Variants in DAB1 observed in about 807,000 individuals in gnomAD.
The protein encoded by DAB1 is DAB adaptor protein 1, also known as disabled homolog 1.
Under a neutral mutation model 64.6 loss-of-function variants are expected in DAB1, and 15 were observed. The ratio of observed to expected loss-of-function variants is 0.23; its 90% CI spans 0.16 to 0.36. DAB1 has a LOEUF of 0.36. DAB1 is among the 10% of genes least tolerant of loss of function. The pLI is 1.00. For missense variants in DAB1, 596 were observed against 706.7 expected, an observed-to-expected ratio of 0.84 and a Z score of 1.78; for synonymous variants, 235 against 251.9, an observed-to-expected ratio of 0.93 and a Z score of 0.64.
intron 7 of DAB1, among the ~76,000 whole-genome samples, chr1:57,548,464 A>G (rs4912259): frequency 0.63 from 93,312 of 148,710 alleles, 30,996 homozygotes; most frequent in Non-Finnish European, 0.75. Context: ...TTTTGTATAT[A>G]CAAAATCTGT....
intron 4 of DAB1, among the ~76,000 whole-genome samples, chr1:57,123,765 A>G (rs1418643627): frequency 6.6e-6 from 1 of 152,164 alleles, no homozygotes; most frequent in African/African-American, 2.4e-5. Context: ...TAATTAGTGG[A>G]AAAATGTGGA....
chr1:57,520,883 C>T lies in DAB1; in HGVS notation n.625+128709G>A, dbSNP rs76909194. 3.0e-3 allele frequency among the ~76,000 whole-genome samples: 450 copies of T among 151,636 alleles called. 2 individuals are homozygous for T. Among genetic ancestry groups the T allele is most frequent in the South Asian group, 0.026 (127 of 4,794 alleles). ...GCTAAGTTTTGGCATAGCCATCCAA[C>T]AGGAAAAAAAAGAGAGGGAGCAGGA... On this transcript the variant is annotated intron_variant and non_coding_transcript_variant, in intron 7 of 20. Transcript: ENST00000485760.
At chr1:57,234,364 G>T (rs1031362965) in intron 2 of DAB1, among the ~76,000 whole-genome samples, 2 of 151,864 alleles carry the variant, frequency 1.3e-5, no homozygotes, top group Non-Finnish European at 2.9e-5. Context: ...TGTGGCCTTG[G>T]GCATGTTATT....
rs1359660948 is a variant in DAB1 at position 57,475,258 on chromosome 1, C to T, written n.625+174334G>A. The stretch of plus-strand genomic sequence containing the variant: ...TGCCACTGCACCCCAGCCTGGGTGA[C>T]AGAGCAAGACTCTGTCCCAAACAAA... On this transcript the variant is annotated intron_variant and non_coding_transcript_variant, in intron 7 of 20. Coordinates refer to the DAB1 transcript ENST00000485760. 2.0e-5 allele frequency among the ~76,000 whole-genome samples: 3 copies of T among 152,272 alleles called. No individual in the cohort carries two copies. In the East Asian group the frequency reaches 5.8e-4, roughly 29 times the overall value.
chr1:57,057,851 G>A (rs187163354), intron 9 of DAB1, among the ~76,000 whole-genome samples: 61 of 152,014 alleles, frequency 4.0e-4, no homozygotes, highest in African/African-American at 1.3e-3. Context: ...CTCCTGATCC[G>A]CCCGCCTTGG....
Position 57,390,301 on chromosome 1 carries a change from C to A in DAB1, c.-137+33629G>T, listed in dbSNP as rs527249936. Among the ~76,000 whole-genome samples the A allele has an allele frequency of 4.6e-5, 7 of 152,328 alleles. No individual in the cohort carries two copies. In the East Asian group the frequency reaches 1.4e-3, roughly 29 times the overall value. ...ATTAGTTGTGTGGCCTTAGGCAAAT[C>A]ATTTAACTTGGACTTCAATTTCTGC... On this transcript the variant is annotated intron_variant, in intron 1 of 14. Coordinates refer to ENST00000371236, the MANE Select transcript of DAB1 (RefSeq NM_001365792.1).
At chr1:57,396,698 A>G (rs1682836856) in intron 1 of DAB1, among the ~76,000 whole-genome samples, 1 of 152,178 alleles carries the variant, frequency 6.6e-6, no homozygotes, top group Non-Finnish European at 1.5e-5. Flanking sequence ...GTACTTCTCT[A>G]TGCCTCAGTT....
intron 2 of DAB1, among the ~76,000 whole-genome samples, chr1:57,188,030 A>G (rs1390683806): frequency 6.6e-6 from 1 of 152,220 alleles, no homozygotes; most frequent in African/African-American, 2.4e-5. Flanking sequence ...AGTGCCTGGA[A>G]CATAGGAAAG....
At chr1:58,229,325 A>G (rs1659666412) in intron 4 of DAB1, among the ~76,000 whole-genome samples, 1 of 152,204 alleles carries the variant, frequency 6.6e-6, no homozygotes, top group African/African-American at 2.4e-5. Flanking sequence ...TCTTACGTGC[A>G]TTTTGAAAAA....
At chr1:58,532,197 C>G (rs1287436618) in intron 1 of DAB1, among the ~76,000 whole-genome samples, 1 of 152,152 alleles carries the variant, frequency 6.6e-6, no homozygotes, top group Non-Finnish European at 1.5e-5. Flanking sequence ...AAAACTGAGA[C>G]TCCCAAAAGA....
intron 7 of DAB1, among the ~76,000 whole-genome samples, chr1:57,432,418 G>A (rs888520649): frequency 1.1e-4 from 17 of 152,024 alleles, no homozygotes; most frequent in Middle Eastern, 3.4e-3. Context: ...TTCTTAACTA[G>A]AATTTAGAGA....
intron 2 of DAB1, among the ~76,000 whole-genome samples, chr1:57,278,724 G>A (rs143541283): frequency 6.6e-6 from 1 of 152,142 alleles, no homozygotes; most frequent in Non-Finnish European, 1.5e-5. Flanking sequence ...ATGCTCAAAG[G>A]GGGGCAAGCA....
At chr1:57,050,296 C>T (rs1180929967) in intron 9 of DAB1, among the ~76,000 whole-genome samples, 1 of 151,444 alleles carries the variant, frequency 6.6e-6, no homozygotes, top group African/African-American at 2.5e-5. Context: ...TGCCACAAGC[C>T]ACCAGAGGTA....
intron 4 of DAB1, among the ~76,000 whole-genome samples, chr1:58,226,997 G>C (rs72667959): frequency 0.018 from 2,732 of 152,264 alleles, 36 homozygotes; most frequent in Middle Eastern, 0.037. Context: ...TTTAACTCTC[G>C]AAAGCACTCT....
intron 2 of DAB1, among the ~76,000 whole-genome samples, chr1:57,211,823 T>C (rs746617759): frequency 6.6e-6 from 1 of 152,200 alleles, no homozygotes; most frequent in South Asian, 2.1e-4. Context: ...AGCCTTTACA[T>C]TGTACTAGGT....
intron 5 of DAB1, among the ~76,000 whole-genome samples, chr1:58,107,171 A>G (rs1472508256): frequency 2.6e-5 from 4 of 151,822 alleles, no homozygotes; most frequent in African/African-American, 4.8e-5. Flanking sequence ...GTAAAAGTCT[A>G]TAAAAAGGGC....
At chr1:57,565,670 G>A (rs1004903476) in intron 7 of DAB1, among the ~76,000 whole-genome samples, 12 of 152,206 alleles carry the variant, frequency 7.9e-5, no homozygotes, top group South Asian at 6.2e-4. Flanking sequence ...GATCAAAAGA[G>A]ACAAAGAAGG....
At chr1:57,691,412 G>T (rs955311811) in intron 6 of DAB1, among the ~76,000 whole-genome samples, 2 of 152,146 alleles carry the variant, frequency 1.3e-5, no homozygotes, top group Non-Finnish European at 2.9e-5. Context: ...CAGGATGTGG[G>T]TAGGGCCAAA....
intron 7 of DAB1, among the ~76,000 whole-genome samples, chr1:57,534,386 A>G (rs544512404): frequency 6.6e-6 from 1 of 152,302 alleles, no homozygotes; most frequent in African/African-American, 2.4e-5. Flanking sequence ...GTCACTCTCA[A>G]GGTGGATTAA....
Sources: allele counts gnomAD v4.1 joint callset (sites outside exome capture counted in the v4.1 genomes callset), GRCh38; gene constraint gnomAD v4.1.1; transcripts MANE v1.5; gene names NCBI Gene and HGNC (gene_info 2026-07-23, HGNC 2026-07-21).